The following SMC5 variants were observed in gnomAD, a reference collection of about 807,000 sequenced individuals.
SMC5 encodes structural maintenance of chromosomes protein 5.
SMC5 carries 88 observed loss-of-function variants against 148.3 expected under a neutral mutation model. That is an observed-to-expected ratio of 0.59 (90% CI 0.50 to 0.71). The LOEUF is 0.71. Ranked by LOEUF, SMC5 falls within the 30% of genes least tolerant of loss-of-function variation. The probability of loss-of-function intolerance (pLI) is 0.00; values close to 1 mark genes in which losing one functional copy is unlikely to be tolerated. For missense variants in SMC5, 1,142 were observed against 1,298.9 expected (o/e 0.88, Z 1.86); for synonymous variants, 421 against 432.8 (o/e 0.97, Z 0.34).
chr9:70,336,049 ATCTATTAT>A (rs1782290651), intron 17 of SMC5, among the ~76,000 whole-genome samples: 1 of 152,090 alleles, frequency 6.6e-6, no homozygotes, highest in Non-Finnish European at 1.5e-5. Flanking sequence ...ACCCTTCCCC[ATCTATTAT>A]TCTACTTCAC....
At chr9:70,305,595 T>C (rs2035475105) in intron 11 of SMC5, among the ~76,000 whole-genome samples, 1 of 152,330 alleles carries the variant, frequency 6.6e-6, no homozygotes, top group Non-Finnish European at 1.5e-5. Flanking sequence ...GAAATTATCA[T>C]TTGAAATTAA....
intron 17 of SMC5, among the ~76,000 whole-genome samples, chr9:70,342,518 C>T (rs1485859395): frequency 2.0e-5 from 3 of 152,036 alleles, no homozygotes; most frequent in East Asian, 1.9e-4. Flanking sequence ...TTTGTGCCAA[C>T]CAGAGTTTGA....
chr9:70,261,421 G>A (rs2034129094), intron 1 of SMC5, among the ~76,000 whole-genome samples: 1 of 152,192 alleles, frequency 6.6e-6, no homozygotes, highest in South Asian at 2.1e-4. Context: ...TAGTTGTGAG[G>A]CATGGGGGAA....
At chr9:70,286,028 A>G (rs900074607) in intron 7 of SMC5, among the ~76,000 whole-genome samples, 172 bp from the exon 8 acceptor site, 14 of 152,244 alleles carry the variant, frequency 9.2e-5, no homozygotes, top group African/African-American at 3.4e-4. Flanking sequence ...ATCATTAGGA[A>G]TAACCTTTTA....
intron 1 of SMC5, among the ~76,000 whole-genome samples, chr9:70,260,963 G>C (rs1238727015): frequency 2.6e-5 from 4 of 151,874 alleles, no homozygotes; most frequent in Admixed American, 6.6e-5. Flanking sequence ...GGCTAGTTTC[G>C]AACTTCTGGG....
In SMC5 at chr9:70,260,668, A is replaced by G. The variant is rs576268991; in HGVS notation, c.185+1405A>G. Among the ~76,000 whole-genome samples, 194 of 152,342 alleles carry G rather than the reference A, an allele frequency of 1.3e-3. 1 individual carries two copies. The highest frequency in any genetic ancestry group is 4.5e-3 in the African/African-American group (186 of 41,582). On this transcript the variant is annotated intron_variant, in intron 1 of 24. Transcript: ENST00000361138. ...ATAAATGTAATCAAATGAGTTAGATACCATAACAACATATATCAGGATCCT... is the reference window on the plus strand; with the variant it reads ...ATAAATGTAATCAAATGAGTTAGATGCCATAACAACATATATCAGGATCCT...
chr9:70,337,247 A>G (rs969525838), intron 17 of SMC5, among the ~76,000 whole-genome samples: 2 of 152,074 alleles, frequency 1.3e-5, no homozygotes, highest in African/African-American at 4.8e-5. Context: ...TAAGAAAACG[A>G]TTTGTTTGTG....
chr9:70,261,816 A>C (rs576945088), intron 1 of SMC5, among the ~76,000 whole-genome samples: 3 of 152,352 alleles, frequency 2.0e-5, no homozygotes, highest in Admixed American at 6.5e-5. Context: ...GGTAAGATGA[A>C]AACAGTGGGA....
intron 8 of SMC5, among the ~76,000 whole-genome samples, chr9:70,296,458 A>T (rs1394890674): frequency 2.0e-5 from 3 of 151,866 alleles, no homozygotes; most frequent in Non-Finnish European, 4.4e-5. Flanking sequence ...GCTACTTGGG[A>T]GGCTGAGACA....
chr9:70,309,346 T>TTC, intron 11 of SMC5, among the ~76,000 whole-genome samples: 1 of 108,020 alleles, frequency 9.3e-6, no homozygotes, highest in African/African-American at 3.7e-5. Context: ...TTTTTTTTTT[T>TTC]TTTGGGGACA....
At chr9:70,277,785 TAGTC>T (rs1217802993) in intron 4 of SMC5, among the ~76,000 whole-genome samples, 2 of 152,046 alleles carry the variant, frequency 1.3e-5, no homozygotes, top group Non-Finnish European at 2.9e-5. Flanking sequence ...AACAACTTTT[TAGTC>T]AGTTTTTGTT....
In SMC5 at chr9:70,268,775, C is replaced by T. The variant is rs529859102; in HGVS notation, c.380+800C>T. On this transcript the variant is annotated intron_variant, in intron 3 of 24. Coordinates refer to ENST00000361138, the MANE Select transcript of SMC5 (RefSeq NM_015110.4). ...TCTCATGTATGACAAGGACTTGGTA[C>T]TTCTGTCACCATTTTTTATTTTCTC... Among the ~76,000 whole-genome samples, 320 of 152,160 alleles carry T rather than the reference C, an allele frequency of 2.1e-3. 1 individual carries two copies. Among genetic ancestry groups the T allele is most frequent in the Non-Finnish European group, 3.1e-3 (212 of 67,998 alleles).
rs2034337938 is a variant in SMC5, at chr9:70,267,946, A to G, written c.351A>G (p.Gly117=). 2 of 1,613,278 alleles carry G rather than the reference A, an allele frequency of 1.2e-6. No individual in the cohort carries two copies. Among genetic ancestry groups the G allele is most frequent in the Non-Finnish European group, 1.7e-6 (2 of 1,179,712 alleles). ...AGGTTGGGTTTTTTGTGAAGAGAGGATGTTCTAGAGGCATGGTTGAAATTG... is the reference window on the plus strand; with the variant it reads ...AGGTTGGGTTTTTTGTGAAGAGAGGGTGTTCTAGAGGCATGGTTGAAATTG... ...ADKVGFFVKR[G]CSRGMVEIEL... is the part of the protein sequence containing the mutation. Residue 117 remains glycine, a synonymous_variant, in exon 3 of 25, where the codon GGA becomes GGG. Coordinates refer to ENST00000361138, the MANE Select transcript of SMC5 (RefSeq NM_015110.4).
intron 1 of SMC5, among the ~76,000 whole-genome samples, chr9:70,261,407 A>T (rs545332879): frequency 1.3e-5 from 2 of 152,234 alleles, no homozygotes; most frequent in Non-Finnish European, 2.9e-5. Context: ...ATCCAGCTAC[A>T]GAATAGTTGT....
intron 22 of SMC5, 138 bp from the exon 23 acceptor site, chr9:70,349,972 ATATT>A (rs2036764323): frequency 2.2e-6 from 1 of 445,178 alleles, no homozygotes; most frequent in Non-Finnish European, 3.9e-6. Context: ...AAATACATAT[ATATT>A]TATTGTTACA....
chr9:70,300,944 A>AT, intron 10 of SMC5, among the ~76,000 whole-genome samples: 1 of 152,116 alleles, frequency 6.6e-6, no homozygotes, highest in East Asian at 1.9e-4. Flanking sequence ...TCCTTTCAGG[A>AT]TTCGTGAAAA....
Position 70,259,033 on chromosome 9 carries a change from C to A in SMC5, c.-46C>A, listed in dbSNP as rs368308674. On this transcript the variant is annotated 5_prime_UTR_variant, in exon 1 of 25. Coordinates refer to ENST00000361138, the MANE Select transcript of SMC5 (RefSeq NM_015110.4). ...ATGGGCGCTTGGGCGCCTGGGCTGC[C>A]GGACGGTGGGAACGGAAGTCGCTGT... 1.3e-6 allele frequency: 2 copies of A among 1,540,374 alleles called. No individual in the cohort carries two copies. Among genetic ancestry groups the A allele is most frequent in the East Asian group, 2.4e-5 (1 of 41,754 alleles).
chr9:70,296,114 A>G (rs1208301461), intron 8 of SMC5, among the ~76,000 whole-genome samples: 1 of 152,204 alleles, frequency 6.6e-6, no homozygotes, highest in Non-Finnish European at 1.5e-5. Flanking sequence ...AGGAAAAATC[A>G]ATACCCGCAT....
At chr9:70,259,322 G>C in intron 1 of SMC5, 59 bp downstream of exon 1, 2 of 1,482,940 alleles carry the variant, frequency 1.3e-6, no homozygotes, top group Middle Eastern at 2.3e-4. Flanking sequence ...CAGGCCCCGG[G>C]GCTCCGGCAG....
Sources: allele counts gnomAD v4.1 joint callset (sites outside exome capture counted in the v4.1 genomes callset), GRCh38; gene constraint gnomAD v4.1.1; transcripts MANE v1.5; gene names NCBI Gene and HGNC (gene_info 2026-07-23, HGNC 2026-07-21).